Variants in DNAH9 observed in about 807,000 individuals in gnomAD.
DNAH9 encodes the protein DNAH9 variant protein.
DNAH9 carries 345 observed loss-of-function variants against 471.6 expected under a neutral mutation model. That is an observed-to-expected ratio of 0.73 (90% CI 0.67 to 0.80). The LOEUF is 0.80. Ranked by LOEUF, DNAH9 falls within the 30% of genes least tolerant of loss-of-function variation. The pLI is 0.00. For missense variants in DNAH9, 5,407 were observed against 5,609.2 expected (o/e 0.96, Z 1.15); for synonymous variants, 2,093 against 2,123.6 (o/e 0.99, Z 0.40).
At chr17:11,652,206 C>T (rs1056873136) in intron 13 of DNAH9, among the ~76,000 whole-genome samples, 1 of 151,128 alleles carries the variant, frequency 6.6e-6, no homozygotes, top group Admixed American at 6.6e-5. Flanking sequence ...GCAGCTGTAC[C>T]AGCTTTTGTG....
intron 4 of DNAH9, among the ~76,000 whole-genome samples, chr17:11,613,034 G>A (rs2072669766): frequency 6.6e-6 from 1 of 152,184 alleles, no homozygotes; most frequent in Admixed American, 6.5e-5. Flanking sequence ...AAGTCCAGGT[G>A]TTAGTTTCCA....
rs780847263 is a variant in DNAH9, at chr17:11,923,881, A to G, written c.11817A>G (p.Glu3939=). The change falls in exon 62 of 69, where the codon GAA becomes GAG. Residue 3939 remains glutamate, a synonymous_variant. Coordinates refer to ENST00000262442, the MANE Select transcript of DNAH9 (RefSeq NM_001372.4). ...ACGTGTCTTTGGGGCAAGGACAGGA[A>G]GTGGTGGCTGAGGCTGCGCTGGACC... The part of the protein sequence containing the change: ...FHNVSLGQGQ[E]VVAEAALDLA... 1 of 1,614,010 alleles carries G rather than the reference A, an allele frequency of 6.2e-7. No homozygotes were observed. The highest frequency in any genetic ancestry group is 1.3e-5 in the African/African-American group (1 of 74,930).
chr17:11,936,175 G>A (rs17612916), intron 65 of DNAH9, among the ~76,000 whole-genome samples: 39,514 of 152,078 alleles, frequency 0.26, 5,783 homozygotes, highest in Non-Finnish European at 0.33. Context: ...TGCACAGAAC[G>A]CTGGAGGAAA....
Position 11,923,929 on chromosome 17 carries a change from G to T in DNAH9, c.11865G>T (p.Trp3955Cys). 3.1e-6 allele frequency: 5 copies of T among 1,613,836 alleles called. No homozygotes were observed. In the South Asian group the frequency reaches 5.5e-5, roughly 18 times the overall value. Residue 3955 changes from tryptophan to cysteine, a missense_variant, in exon 62 of 69, where the codon TGG becomes TGT. Coordinates refer to ENST00000262442, the MANE Select transcript of DNAH9 (RefSeq NM_001372.4). ...ALDLAAKKGH[W>C]VILQNIHLVA... ...ACCTCGCTGCCAAGAAAGGTCACTG[G>T]GTTATTTTGCAGGTATGTTCCTCTA...
At chr17:11,727,709 T>C in intron 27 of DNAH9, 109 bp from the exon 28 acceptor site, 1 of 711,626 alleles carries the variant, frequency 1.4e-6, no homozygotes, top group Non-Finnish European at 2.5e-6. Context: ...TGACCAGTGG[T>C]CTTTAGGGGG....
rs1367786446 is a variant in DNAH9, at chr17:11,961,872, GCTGA to G, written c.12852_12855del (p.Thr4285Ter). On this transcript the variant is annotated frameshift_variant, in exon 68 of 69. Coordinates refer to ENST00000262442, the MANE Select transcript of DNAH9 (RefSeq NM_001372.4). LOFTEE classifies it high-confidence loss of function. Reference sequence around the variant, plus strand: ...CTCCCATTCTTTATCTTCAGGGGGAGCTGACTATGACCAGCCACATGGAGAACTT... The same window carrying G: ...CTCCCATTCTTTATCTTCAGGGGGAGCTATGACCAGCCACATGGAGAACTT... 2 of 1,599,836 alleles carry G rather than the reference GCTGA, an allele frequency of 1.3e-6. No individual in the cohort carries two copies. Among genetic ancestry groups the G allele is most frequent in the East Asian group, 2.2e-5 (1 of 44,598 alleles).
rs763942160 is a variant in DNAH9, at chr17:11,747,772, A to C, written c.6610+6A>C. On this transcript the variant is annotated splice_donor_region_variant and intron_variant, in intron 32 of 68. Coordinates refer to ENST00000262442, the MANE Select transcript of DNAH9 (RefSeq NM_001372.4). ...CACAGGAGAATGGAAGGATGGTAAGAGTGGGATTCTCCCAGGAGAAAGTCT... is the reference window on the plus strand; with the variant it reads ...CACAGGAGAATGGAAGGATGGTAAGCGTGGGATTCTCCCAGGAGAAAGTCT... 1 of 1,611,480 alleles carries C rather than the reference A, an allele frequency of 6.2e-7. No individual in the cohort carries two copies. Among genetic ancestry groups the C allele is most frequent in the Non-Finnish European group, 8.5e-7 (1 of 1,177,690 alleles).
At chr17:11,721,371 A>G (rs534118570) in intron 27 of DNAH9, among the ~76,000 whole-genome samples, 1 of 152,248 alleles carries the variant, frequency 6.6e-6, no homozygotes, top group East Asian at 1.9e-4. Context: ...GAACATCATA[A>G]ATAAGCATAG....
At chr17:11,804,608 G>A (rs1969593544) in intron 43 of DNAH9, among the ~76,000 whole-genome samples, 1 of 152,206 alleles carries the variant, frequency 6.6e-6, no homozygotes, top group Non-Finnish European at 1.5e-5. Context: ...GCCAGGTGCG[G>A]TGGCTCACGC....
intron 30 of DNAH9, among the ~76,000 whole-genome samples, chr17:11,743,341 C>G (rs1045861436): frequency 6.6e-6 from 1 of 152,214 alleles, no homozygotes; most frequent in Non-Finnish European, 1.5e-5. Flanking sequence ...CTATTCATTG[C>G]TACCACTTGA....
intron 27 of DNAH9, among the ~76,000 whole-genome samples, chr17:11,727,347 T>C (rs573341399): frequency 2.6e-5 from 4 of 152,216 alleles, no homozygotes; most frequent in Non-Finnish European, 5.9e-5. Context: ...TTTTGGTTTT[T>C]GTTTTTTTAA....
chr17:11,878,626 GCTCCCTGCAGC>G (rs1972599912), intron 53 of DNAH9, among the ~76,000 whole-genome samples: 1 of 152,080 alleles, frequency 6.6e-6, no homozygotes. Flanking sequence ...TGAAATCATG[GCTCCCTGCAGC>G]CTCGACCTCC....
chr17:11,854,552 C>CA lies in DNAH9; in HGVS notation c.9933+128dup, dbSNP rs1971555244. The CA allele has an allele frequency of 3.2e-6, 4 of 1,241,328 alleles. No homozygotes were observed. The South Asian group carries it at 4.9e-5, about 15-fold the overall frequency. The allele number at this position is 1,241,328 out of a possible 1,614,324, so 76.9% of individuals were successfully genotyped here. A position where few individuals can be genotyped will look rare whatever the true frequency, so the allele number is the denominator to read the frequency against. ...GAAGCAGGAAAACCACATTTTCATGCAAAATCTCATTTTTCAGTAGAGGCA... is the reference window on the plus strand; with the variant it reads ...GAAGCAGGAAAACCACATTTTCATGCAAAAATCTCATTTTTCAGTAGAGGCA... On this transcript the variant is annotated intron_variant, in intron 50 of 68. Coordinates refer to ENST00000262442, the MANE Select transcript of DNAH9 (RefSeq NM_001372.4).
In DNAH9 at chr17:11,969,422, G is replaced by A. The variant is rs964182528; in HGVS notation, c.13356G>A (p.Lys4452=). The A allele has an allele frequency of 6.2e-7, 1 of 1,614,032 alleles. No individual in the cohort carries two copies. Among genetic ancestry groups the A allele is most frequent in the Non-Finnish European group, 8.5e-7 (1 of 1,180,006 alleles). ...CRSVYSCPVY[K]TSQRGPTYVW... ...GTGTCTATTCCTGTCCTGTGTACAAGACTAGTCAGCGGGGACCCACCTACG... is the reference window on the plus strand; with the variant it reads ...GTGTCTATTCCTGTCCTGTGTACAAAACTAGTCAGCGGGGACCCACCTACG... The change falls in exon 69 of 69, where the codon AAG becomes AAA. Residue 4452 remains lysine, a synonymous_variant. Coordinates refer to ENST00000262442, the MANE Select transcript of DNAH9 (RefSeq NM_001372.4).
intron 68 of DNAH9, among the ~76,000 whole-genome samples, chr17:11,965,406 G>T (rs901993597): frequency 9.2e-5 from 14 of 152,216 alleles, no homozygotes; most frequent in African/African-American, 3.4e-4. Flanking sequence ...AACAGAGCAG[G>T]CCACTTCAGT....
At position 11,704,391 on chromosome 17, in the gene DNAH9, C is replaced by T; in HGVS notation, c.5340C>T (p.Cys1780=). 2 of 1,613,986 alleles carry T rather than the reference C, an allele frequency of 1.2e-6. No homozygotes were observed. The highest frequency in any genetic ancestry group is 1.7e-6 in the Non-Finnish European group (2 of 1,179,992). Residue 1780 remains cysteine (C), a synonymous_variant, in exon 25 of 69, where the codon TGC becomes TGT. Transcript: ENST00000262442. ...ACCGGCAGAAGATTATGACTATATG[C>T]ACCATCGATGTGCATGCCCGGGATG... The part of the protein sequence containing the change: ...KGDRQKIMTI[C]TIDVHARDVV...
intron 63 of DNAH9, among the ~76,000 whole-genome samples, chr17:11,930,765 C>CAAAAAAAAAAA (rs11371438): frequency 0.014 from 1,741 of 124,018 alleles, 27 homozygotes; most frequent in African/African-American, 0.033. Context: ...ACTCCATCTC[C>CAAAAAAAAAAA]AAAAAAAAAA....
Position 11,747,546 on chromosome 17 carries a change from G to C in DNAH9, c.6400-10G>C, listed in dbSNP as rs371491477. The C allele has an allele frequency of 3.1e-6, 5 of 1,611,870 alleles. No homozygotes were observed. The highest frequency in any genetic ancestry group is 4.2e-6 in the Non-Finnish European group (5 of 1,179,166). On this transcript the variant is annotated splice_polypyrimidine_tract_variant and intron_variant, in intron 31 of 68. Coordinates refer to ENST00000262442, the MANE Select transcript of DNAH9 (RefSeq NM_001372.4). ...GCTGGTCCCTCTGGCTGAATTTCCT[G>C]CCTCCTCAGGTGGTCCAGCTGGAGG...
intron 8 of DNAH9, 121 bp from the exon 9 acceptor site, chr17:11,636,513 C>T: frequency 1.4e-6 from 1 of 691,638 alleles, no homozygotes; most frequent in Non-Finnish European, 2.5e-6. Flanking sequence ...TCCACAATAA[C>T]ACTGTTCACT....
Sources: allele counts gnomAD v4.1 joint callset (sites outside exome capture counted in the v4.1 genomes callset), GRCh38; gene constraint gnomAD v4.1.1; transcripts MANE v1.5; gene names NCBI Gene and HGNC (gene_info 2026-07-23, HGNC 2026-07-21).